Variants in NRCAM observed in about 807,000 individuals in gnomAD.
The protein encoded by NRCAM is NgCAM-related cell adhesion molecule.
In NRCAM, 83 loss-of-function variants were observed where a neutral mutation model predicts 156.5. The ratio of observed to expected loss-of-function variants is 0.53; its 90% confidence interval spans 0.44 to 0.64. The LOEUF is 0.64. Ranked by LOEUF, NRCAM falls within the 30% of genes least tolerant of loss-of-function variation. The pLI, the probability that NRCAM is intolerant of heterozygous loss-of-function variation, is 0.00. For synonymous variants in NRCAM, 538 were observed against 563.9 expected, an observed-to-expected ratio of 0.95 and a Z score of 0.65; for missense variants, 1,417 against 1,597.3, an observed-to-expected ratio of 0.89 and a Z score of 1.92.
chr7:108,410,617 C>A (rs1428944825), intron 1 of NRCAM, among the ~76,000 whole-genome samples: 1 of 152,030 alleles, frequency 6.6e-6, no homozygotes, highest in East Asian at 1.9e-4. Context: ...GTAAACCTTC[C>A]CTGAAGGTAG....
chr7:108,319,728 C>T lies in NRCAM; in HGVS notation c.-173-6997G>A, dbSNP rs143297717. Among the ~76,000 whole-genome samples, 5 of 152,222 alleles carry T rather than the reference C, an allele frequency of 3.3e-5. No homozygotes were observed. The East Asian group carries it at 7.7e-4, about 24-fold the overall frequency. On this transcript the variant is annotated intron_variant, in intron 2 of 32. Transcript: ENST00000379028. ...AAATGATGACTGAGCTGAGGTCCTA[C>T]AGAGCTGGGGAAGGAAAGATGTGTT...
At chr7:108,399,686 T>G (rs1266192260) in intron 1 of NRCAM, 93 bp from the exon 2 acceptor site, 2 of 152,218 alleles carry the variant, frequency 1.3e-5, no homozygotes, top group Non-Finnish European at 1.5e-5. Context: ...TACGAAAAAT[T>G]GACAAGGGGG....
chr7:108,211,349 C>T (rs1180786545), intron 11 of NRCAM, among the ~76,000 whole-genome samples: 3 of 152,146 alleles, frequency 2.0e-5, no homozygotes, highest in Non-Finnish European at 4.4e-5. Flanking sequence ...TCCAGCTGAA[C>T]TTTATAACAA....
chr7:108,171,109 C>T (rs894238838), intron 28 of NRCAM, among the ~76,000 whole-genome samples: 4 of 152,126 alleles, frequency 2.6e-5, no homozygotes, highest in African/African-American at 9.7e-5. Flanking sequence ...CCCACTCATC[C>T]ACCTTCTCAC....
chr7:108,293,112 AAAAT>A (rs1162648816), intron 3 of NRCAM, among the ~76,000 whole-genome samples: 2 of 152,158 alleles, frequency 1.3e-5, no homozygotes, highest in Non-Finnish European at 2.9e-5. Flanking sequence ...GGGGCCATGG[AAAAT>A]CAAACGGTGT....
intron 3 of NRCAM, among the ~76,000 whole-genome samples, chr7:108,255,323 C>T (rs1258825431): frequency 6.6e-6 from 1 of 152,180 alleles, no homozygotes; most frequent in Non-Finnish European, 1.5e-5. Flanking sequence ...TGCGCCGCCA[C>T]GCCTGACTCG....
chr7:108,281,635 A>G (rs1017676892), intron 3 of NRCAM, among the ~76,000 whole-genome samples: 2 of 152,194 alleles, frequency 1.3e-5, no homozygotes, highest in African/African-American at 2.4e-5. Flanking sequence ...CCCACCAGAA[A>G]GGCAGGGTAA....
At chr7:108,287,229 T>C (rs1005041342) in intron 3 of NRCAM, among the ~76,000 whole-genome samples, 1 of 151,780 alleles carries the variant, frequency 6.6e-6, no homozygotes, top group African/African-American at 2.4e-5. Flanking sequence ...GGAACAACTA[T>C]AAAAATGCTA....
At chr7:108,328,529 T>C (rs994334273) in intron 2 of NRCAM, 8 of 152,176 alleles carry the variant, frequency 5.3e-5, no homozygotes, top group Non-Finnish European at 1.0e-4. Flanking sequence ...GCACTGGCAA[T>C]TGAACCCTGC....
intron 13 of NRCAM, among the ~76,000 whole-genome samples, chr7:108,203,856 CA>C (rs2079534218): frequency 6.6e-6 from 1 of 152,210 alleles, no homozygotes; most frequent in Non-Finnish European, 1.5e-5. Context: ...AAAGTGCTGT[CA>C]GCAAGCCAGC....
chr7:108,246,819 T>C (rs1441662843), intron 3 of NRCAM, among the ~76,000 whole-genome samples: 9 of 152,224 alleles, frequency 5.9e-5, no homozygotes, highest in Non-Finnish European at 7.3e-5. Context: ...GGTAGACTGT[T>C]GCATTGGTGG....
intron 2 of NRCAM, among the ~76,000 whole-genome samples, chr7:108,364,514 G>A (rs1235577556): frequency 1.3e-5 from 2 of 151,980 alleles, no homozygotes; most frequent in South Asian, 2.1e-4. Context: ...GTATAGACCC[G>A]GGAGAACTGA....
At chr7:108,169,889 T>C (rs2057394277) in intron 28 of NRCAM, among the ~76,000 whole-genome samples, 1 of 152,300 alleles carries the variant, frequency 6.6e-6, no homozygotes, top group Non-Finnish European at 1.5e-5. Flanking sequence ...AGAAACATAA[T>C]ACTTCTAACA....
intron 2 of NRCAM, among the ~76,000 whole-genome samples, chr7:108,340,908 C>T (rs769661249): frequency 3.9e-5 from 6 of 152,028 alleles, no homozygotes; most frequent in African/African-American, 7.3e-5. Flanking sequence ...ACTTGGCAAC[C>T]TTGGTTTTTC....
chr7:108,436,274 TGA>T (rs1385638722), intron 1 of NRCAM, among the ~76,000 whole-genome samples: 2 of 152,188 alleles, frequency 1.3e-5, no homozygotes, highest in Non-Finnish European at 2.9e-5. Flanking sequence ...TTGCAAAGTG[TGA>T]GTTTTATAAA....
chr7:108,264,429 A>G (rs751317547), intron 3 of NRCAM, among the ~76,000 whole-genome samples: 1 of 152,236 alleles, frequency 6.6e-6, no homozygotes, highest in Non-Finnish European at 1.5e-5. Flanking sequence ...ATACTGCACA[A>G]CTGGGACTAT....
intron 2 of NRCAM, among the ~76,000 whole-genome samples, chr7:108,322,416 G>A (rs779926070): frequency 9.9e-5 from 15 of 152,186 alleles, no homozygotes; most frequent in Non-Finnish European, 1.9e-4. Flanking sequence ...TAGCTTCTGT[G>A]ATGTTTATCC....
chr7:108,203,701 T>C (rs1211193552), intron 13 of NRCAM, among the ~76,000 whole-genome samples: 1 of 152,178 alleles, frequency 6.6e-6, no homozygotes. Context: ...ACTGTATCTC[T>C]GTTGTGTGGC....
intron 11 of NRCAM, among the ~76,000 whole-genome samples, chr7:108,214,674 G>T (rs1471724663): frequency 6.6e-6 from 1 of 152,086 alleles, no homozygotes; most frequent in African/African-American, 2.4e-5. Context: ...TGCTTCTCTA[G>T]TTCTTTTAAT....
Sources: allele counts gnomAD v4.1 joint callset (sites outside exome capture counted in the v4.1 genomes callset), GRCh38; gene constraint gnomAD v4.1.1; transcripts MANE v1.5; gene names NCBI Gene and HGNC (gene_info 2026-07-23, HGNC 2026-07-21).